Variants in MSR1 observed in about 807,000 individuals in gnomAD.
The protein encoded by MSR1 is macrophage scavenger receptor types I and II.
MSR1 carries 53 observed loss-of-function variants against 47.2 expected under a neutral mutation model. The ratio of observed to expected loss-of-function variants is 1.12; its 90% CI spans 0.90 to 1.41. The LOEUF (loss-of-function observed/expected upper bound fraction) is 1.41. Ranked by LOEUF, MSR1 falls within the 40% of genes most tolerant of loss-of-function variation. The pLI, the probability that MSR1 is intolerant of heterozygous loss-of-function variation, is 0.00. For synonymous variants in MSR1, 239 were observed against 185.6 expected (o/e 1.29, Z -2.34); for missense variants, 786 against 546.9 (o/e 1.44, Z -4.36).
At chr8:16,118,319 G>C (rs1799923856) in intron 9 of MSR1, among the ~76,000 whole-genome samples, 1 of 152,152 alleles carries the variant, frequency 6.6e-6, no homozygotes, top group Admixed American at 6.5e-5. Flanking sequence ...AGAACTGTGG[G>C]TGTCCCCTTC....
Position 16,108,180 on chromosome 8 carries a change from C to A in MSR1, c.*1905G>T, listed in dbSNP as rs550722451. 1.0e-4 allele frequency: 15 copies of A among 147,042 alleles called. No individual in the cohort carries two copies. Among genetic ancestry groups the A allele is most frequent in the Non-Finnish European group, 1.5e-4 (10 of 66,958 alleles). 9.1% of individuals were successfully genotyped at this position (147,042 alleles called of 1,614,324 possible). The stretch of plus-strand genomic sequence containing the variant: ...TATTAACAGTGTCATAGTACTAGTA[C>A]TAGTAATAGTACTAGTAATAGCAAT... On this transcript the variant is annotated 3_prime_UTR_variant, in exon 10 of 10. Transcript: ENST00000262101.
intron 3 of MSR1, among the ~76,000 whole-genome samples, chr8:16,174,479 C>G (rs555689220): frequency 6.6e-6 from 1 of 152,186 alleles, no homozygotes; most frequent in East Asian, 1.9e-4. Flanking sequence ...AGCTATCTAC[C>G]CTTGTAGAAA....
intron 1 of MSR1, among the ~76,000 whole-genome samples, chr8:16,185,213 T>C (rs1167000997): frequency 6.6e-6 from 1 of 152,160 alleles, no homozygotes; most frequent in Non-Finnish European, 1.5e-5. Flanking sequence ...TTTGTGGCAT[T>C]TTCTGATGTT....
chr8:16,192,428 C>A (rs933365713), intron 1 of MSR1, among the ~76,000 whole-genome samples, 170 bp downstream of exon 1: 5 of 150,206 alleles, frequency 3.3e-5, no homozygotes, highest in African/African-American at 7.5e-5. Context: ...TCGAAAAAAA[C>A]CAAACCAAAT....
In MSR1 at chr8:16,168,486, A is replaced by G; in HGVS notation, c.602T>C (p.Ile201Thr). The G allele has an allele frequency of 6.2e-7, 1 of 1,614,106 alleles. No homozygotes were observed. Among genetic ancestry groups the G allele is most frequent in the Non-Finnish European group, 8.5e-7 (1 of 1,179,994 alleles). The change falls in exon 4 of 10, where the codon ATC (isoleucine) becomes ACC (threonine). Residue 201 changes from isoleucine (I) to threonine (T), a missense_variant. By Grantham distance (89) the Ile-to-Thr change is moderately conservative (BLOSUM62 -1). Transcript: ENST00000262101. ...QLNIENLNGK[I>T]QENTFKQQEE... ...TTGTTGTTTGAAGGTATTCTCTTGG[A>G]TTTTGCCATTCAGATTTTCTATGTT... is the stretch of plus-strand genomic sequence containing the variant.
intron 6 of MSR1, 109 bp downstream of exon 6, chr8:16,154,955 C>G: frequency 1.1e-6 from 1 of 895,884 alleles, no homozygotes; most frequent in Non-Finnish European, 1.8e-6. Flanking sequence ...CACACACATA[C>G]ACATCCTCTG....
intron 1 of MSR1, among the ~76,000 whole-genome samples, chr8:16,191,159 G>T (rs1051412716): frequency 6.6e-6 from 1 of 152,118 alleles, no homozygotes; most frequent in Non-Finnish European, 1.5e-5. Context: ...ATTAAATTAA[G>T]ATTATTTGTG....
chr8:16,174,005 T>G (rs1191176909), intron 3 of MSR1, among the ~76,000 whole-genome samples: 1 of 152,152 alleles, frequency 6.6e-6, no homozygotes, highest in African/African-American at 2.4e-5. Flanking sequence ...TTGATTAAAC[T>G]GGGAGACAAG....
chr8:16,192,619 C>CACTGATTT lies in MSR1; in HGVS notation c.-34_-27dup, dbSNP rs1484496275. On this transcript the variant is annotated 5_prime_UTR_variant, in exon 1 of 10. Coordinates refer to ENST00000262101, the MANE Select transcript of MSR1 (RefSeq NM_138715.3). ...TTACCTTTCGTCCTAAAGAAAGCAG[C>CACTGATTT]ACTGATTTATCCACTTCTCTCTCTT... The CACTGATTT allele has an allele frequency of 6.6e-6, 1 of 151,838 alleles. No individual in the cohort carries two copies. Among genetic ancestry groups the CACTGATTT allele is most frequent in the Non-Finnish European group, 1.5e-5 (1 of 67,954 alleles). 9.4% of individuals were successfully genotyped at this position (151,838 alleles called of 1,614,324 possible). A position where few individuals can be genotyped will look rare whatever the true frequency, so the allele number is the denominator to read the frequency against.
chr8:16,109,969 T>C lies in MSR1; in HGVS notation c.*116A>G. On this transcript the variant is annotated 3_prime_UTR_variant, in exon 10 of 10. Transcript: ENST00000262101. ...TATATTAATCCTGTAATCTAAAATA[T>C]TATTTGGGCAATATTCTTAATCTCT... 8.1e-7 allele frequency: 1 copy of C among 1,228,330 alleles called. No homozygotes were observed. The highest frequency in any genetic ancestry group is 1.2e-6 in the Non-Finnish European group (1 of 854,666). 76.1% of individuals were successfully genotyped at this position (1,228,330 alleles called of 1,614,324 possible). A position where few individuals can be genotyped will look rare whatever the true frequency, so the allele number is the denominator to read the frequency against.
intron 3 of MSR1, among the ~76,000 whole-genome samples, chr8:16,170,177 G>A (rs987305778): frequency 8.6e-5 from 13 of 151,880 alleles, no homozygotes; most frequent in Admixed American, 2.6e-4. Flanking sequence ...ATGAAACCCC[G>A]TCTCTGCTAA....
Position 16,175,280 on chromosome 8 carries a change from G to C in MSR1, c.124C>G (p.Leu42Val). 1 of 1,614,024 alleles carries C rather than the reference G, an allele frequency of 6.2e-7. No individual in the cohort carries two copies. The highest frequency in any genetic ancestry group is 1.1e-5 in the South Asian group (1 of 91,070). The change falls in exon 3 of 10, where the codon CTT becomes GTT. Residue 42 changes from leucine to valine, a missense_variant. Physicochemically the swap from Leu to Val is conservative, Grantham distance 32. Transcript: ENST00000262101. Reference sequence around the variant, plus strand: ...TTGAAGGACTTCAGTTTCTCTTGAAGGGAAGGGCTGTTTTTAGGATCTAAT... The same window carrying C: ...TTGAAGGACTTCAGTTTCTCTTGAACGGAAGGGCTGTTTTTAGGATCTAAT... Reference protein sequence around the residue: ...LPPNPKNSPSLQEKLKSFKAA... With the variant: ...LPPNPKNSPSVQEKLKSFKAA...
chr8:16,174,841 A>G (rs1378306560), intron 3 of MSR1, among the ~76,000 whole-genome samples: 2 of 152,150 alleles, frequency 1.3e-5, no homozygotes, highest in Non-Finnish European at 2.9e-5. Context: ...CACATTGGCA[A>G]AATGAATACT....
chr8:16,157,666 A>G (rs1801048242), intron 5 of MSR1, among the ~76,000 whole-genome samples: 2 of 151,974 alleles, frequency 1.3e-5, no homozygotes, highest in East Asian at 1.9e-4. Flanking sequence ...ATAACAAATT[A>G]TATACCACTT....
intron 9 of MSR1, among the ~76,000 whole-genome samples, chr8:16,114,948 T>C (rs1799842766): frequency 6.6e-6 from 1 of 152,032 alleles, no homozygotes; most frequent in South Asian, 2.1e-4. Context: ...GAGGCTGAGG[T>C]GGGTGGATCT....
chr8:16,164,715 T>C (rs1283665510), intron 4 of MSR1, among the ~76,000 whole-genome samples: 1 of 152,024 alleles, frequency 6.6e-6, no homozygotes, highest in African/African-American at 2.4e-5. Context: ...GTGATGATCA[T>C]TGACAATAGA....
chr8:16,136,789 G>A (rs943781311), intron 8 of MSR1, among the ~76,000 whole-genome samples: 9 of 152,088 alleles, frequency 5.9e-5, no homozygotes, highest in African/African-American at 2.2e-4. Context: ...TTTCGGTAGA[G>A]ACAGGGTTTC....
chr8:16,180,156 C>T (rs1585194841), intron 1 of MSR1, among the ~76,000 whole-genome samples: 3 of 151,958 alleles, frequency 2.0e-5, no homozygotes, highest in Admixed American at 2.0e-4. Context: ...CCTTCTTTCT[C>T]TCTCTCTCCC....
At position 16,167,763 on chromosome 8, in the gene MSR1, A is replaced by G. The variant is rs148420069; in HGVS notation, c.630+695T>C. ...TAATCAATGTCTATCCTGATAACTA[A>G]CATTTTCGCTTTCTGTCTTTCTTAT... On this transcript the variant is annotated intron_variant, in intron 4 of 9. Coordinates refer to ENST00000262101, the MANE Select transcript of MSR1 (RefSeq NM_138715.3). 2.4e-4 allele frequency among the ~76,000 whole-genome samples: 37 copies of G among 152,280 alleles called. No individual in the cohort carries two copies. The East Asian group carries it at 7.2e-3, about 29-fold the overall frequency.
Sources: allele counts gnomAD v4.1 joint callset (sites outside exome capture counted in the v4.1 genomes callset), GRCh38; gene constraint gnomAD v4.1.1; transcripts MANE v1.5; gene names NCBI Gene and HGNC (gene_info 2026-07-23, HGNC 2026-07-21).